Variants in DAB1 observed in about 807,000 individuals in gnomAD.
The protein encoded by DAB1 is disabled homolog 1.
DAB1 carries 15 observed loss-of-function variants against 64.6 expected under a neutral mutation model. The observed-to-expected ratio is 0.23, with a 90% CI of 0.16 to 0.36. The LOEUF is 0.36. Ranked by LOEUF, DAB1 falls within the 10% of genes least tolerant of loss-of-function variation. The pLI, the probability that DAB1 is intolerant of heterozygous loss-of-function variation, is 1.00. For synonymous variants in DAB1, 235 were observed against 251.9 expected, an observed-to-expected ratio of 0.93 and a Z score of 0.64; for missense variants, 596 against 706.7, an observed-to-expected ratio of 0.84 and a Z score of 1.78.
intron 5 of DAB1, among the ~76,000 whole-genome samples, chr1:58,011,775 C>T (rs1488344611): frequency 6.6e-6 from 1 of 152,140 alleles, no homozygotes; most frequent in African/African-American, 2.4e-5. Context: ...GCAATTTCCC[C>T]TCCACCTCCG....
At chr1:58,404,359 G>A (rs1417912817) in intron 3 of DAB1, among the ~76,000 whole-genome samples, 1 of 152,190 alleles carries the variant, frequency 6.6e-6, no homozygotes, top group Non-Finnish European at 1.5e-5. Context: ...TGGCCTTAGT[G>A]GAATATTACA....
chr1:57,445,304 G>A (rs986019523), intron 7 of DAB1, among the ~76,000 whole-genome samples: 1 of 152,074 alleles, frequency 6.6e-6, no homozygotes, highest in African/African-American at 2.4e-5. Context: ...GATGAAACTA[G>A]GTAAATTCCT....
intron 2 of DAB1, among the ~76,000 whole-genome samples, chr1:57,160,146 G>A (rs1660611092): frequency 1.3e-5 from 2 of 152,144 alleles, no homozygotes; most frequent in Non-Finnish European, 2.9e-5. Flanking sequence ...AAACAAAGCA[G>A]GTTTTTTGGT....
chr1:57,268,465 A>T (rs1479591797), intron 2 of DAB1, among the ~76,000 whole-genome samples: 1 of 152,224 alleles, frequency 6.6e-6, no homozygotes, highest in African/African-American at 2.4e-5. Flanking sequence ...AAGTCCCAGA[A>T]TGATACTGGC....
intron 4 of DAB1, among the ~76,000 whole-genome samples, chr1:58,246,172 A>G (rs1051263413): frequency 6.6e-5 from 10 of 152,254 alleles, no homozygotes; most frequent in Non-Finnish European, 1.5e-4. Flanking sequence ...AAGGTGTCAA[A>G]GATGTTAATC....
chr1:57,057,439 A>T lies in DAB1; in HGVS notation c.723+5445T>A, dbSNP rs183180271. ...ATGTAACTACCATCTCTAATTGCAT[A>T]TTATCTGAGACAAGGCAAGGGATGT... On this transcript the variant is annotated intron_variant, in intron 9 of 14. Transcript: ENST00000371236. 4.7e-4 allele frequency among the ~76,000 whole-genome samples: 72 copies of T among 152,262 alleles called. No individual in the cohort carries two copies. In the East Asian group the frequency reaches 8.5e-3, roughly 18 times the overall value.
chr1:57,856,326 T>TG (rs1007601306), intron 1 of DAB1, among the ~76,000 whole-genome samples: 110 of 152,218 alleles, frequency 7.2e-4, no homozygotes, highest in African/African-American at 2.5e-3. Flanking sequence ...CATGATGGGC[T>TG]GCAATCCCTG....
chr1:56,999,776 A>C (rs892282080), intron 14 of DAB1, among the ~76,000 whole-genome samples: 1 of 152,186 alleles, frequency 6.6e-6, no homozygotes, highest in Non-Finnish European at 1.5e-5. Flanking sequence ...GACTCCTGCC[A>C]TCAGATCCAA....
At chr1:57,883,736 A>G (rs1361199792) in intron 1 of DAB1, among the ~76,000 whole-genome samples, 6 of 152,152 alleles carry the variant, frequency 3.9e-5, no homozygotes, top group African/African-American at 1.4e-4. Context: ...GAGACAAGTA[A>G]CCCTGAATGG....
At chr1:57,294,848 T>C (rs1673057732) in intron 1 of DAB1, among the ~76,000 whole-genome samples, 1 of 152,058 alleles carries the variant, frequency 6.6e-6, no homozygotes, top group East Asian at 1.9e-4. Flanking sequence ...TTTCCATTAG[T>C]GGGTGAATGG....
At chr1:57,812,712 T>C (rs907718593) in intron 6 of DAB1, among the ~76,000 whole-genome samples, 2 of 152,240 alleles carry the variant, frequency 1.3e-5, no homozygotes, top group African/African-American at 4.8e-5. Flanking sequence ...AATCTTGTCA[T>C]AAACATGGCT....
intron 6 of DAB1, among the ~76,000 whole-genome samples, chr1:57,677,667 T>G (rs1646584085): frequency 6.6e-6 from 1 of 152,200 alleles, no homozygotes; most frequent in Non-Finnish European, 1.5e-5. Flanking sequence ...AACGACCAAC[T>G]GATAATTAGA....
chr1:58,472,319 C>T (rs1433949375), intron 3 of DAB1, among the ~76,000 whole-genome samples: 2 of 152,208 alleles, frequency 1.3e-5, no homozygotes, highest in South Asian at 2.1e-4. Flanking sequence ...ATAGTTCTTC[C>T]TCATCTGTCT....
intron 4 of DAB1, among the ~76,000 whole-genome samples, chr1:58,236,483 A>G (rs1193348643): frequency 6.6e-6 from 1 of 152,158 alleles, no homozygotes; most frequent in Non-Finnish European, 1.5e-5. Context: ...AAAAACAAAA[A>G]CAAAAACTGA....
At chr1:57,898,736 G>A (rs184317762) in intron 5 of DAB1, among the ~76,000 whole-genome samples, 4 of 152,278 alleles carry the variant, frequency 2.6e-5, no homozygotes, top group African/African-American at 9.6e-5. Context: ...GATAATCAGA[G>A]TCACCAGGCT....
chr1:57,272,666 T>A (rs1439591693), intron 2 of DAB1, among the ~76,000 whole-genome samples: 1 of 152,172 alleles, frequency 6.6e-6, no homozygotes, highest in African/African-American at 2.4e-5. Context: ...CTGATCAACT[T>A]GTAACTCTAA....
At chr1:58,104,074 G>A (rs1479908262) in intron 5 of DAB1, among the ~76,000 whole-genome samples, 1 of 152,166 alleles carries the variant, frequency 6.6e-6, no homozygotes, top group African/African-American at 2.4e-5. Flanking sequence ...CTATTTCTAA[G>A]AAGGATTCTC....
intron 3 of DAB1, among the ~76,000 whole-genome samples, chr1:58,489,406 C>T (rs1488957851): frequency 3.9e-5 from 6 of 152,214 alleles, no homozygotes. Context: ...GGGGTGCCTG[C>T]CATTGCCGAG....
Position 58,383,304 on chromosome 1 carries a change from A to G in DAB1, n.258-39901T>C, listed in dbSNP as rs144080875. ...AGACTCAGGTCTTCTGACTCTAGAG[A>G]GTATATGCTCATGAGAGATGGCTGG... On this transcript the variant is annotated intron_variant and non_coding_transcript_variant, in intron 3 of 20. Coordinates refer to the DAB1 transcript ENST00000485760. Among the ~76,000 whole-genome samples the G allele has an allele frequency of 1.6e-4, 25 of 152,316 alleles. No individual in the cohort carries two copies. In the East Asian group the frequency reaches 4.8e-3, roughly 29 times the overall value.
Sources: gnomAD v4.1 joint callset for allele counts (sites outside exome capture counted in the v4.1 genomes callset) on GRCh38, gnomAD v4.1.1 for gene constraint, MANE v1.5 for transcripts, NCBI Gene and HGNC (gene_info 2026-07-23, HGNC 2026-07-21) for gene names.